The following DHX35 variants were observed in gnomAD, a reference collection of about 807,000 sequenced individuals.
The protein encoded by DHX35 is probable ATP-dependent RNA helicase DHX35.
DHX35 carries 84 observed loss-of-function variants against 99.6 expected under a neutral mutation model. The observed-to-expected ratio is 0.84, with a 90% CI of 0.71 to 1.01. The LOEUF is 1.01. Among genes scored for constraint, DHX35 ranks in the 50% least tolerant of loss-of-function variants. The pLI is 0.00. For missense variants in DHX35, 852 were observed against 888.5 expected, an observed-to-expected ratio of 0.96 and a Z score of 0.52; for synonymous variants, 331 against 316.2, an observed-to-expected ratio of 1.05 and a Z score of -0.50.
At chr20:38,986,084 A>C (rs752125720) in intron 4 of DHX35, among the ~76,000 whole-genome samples, 3 of 152,188 alleles carry the variant, frequency 2.0e-5, no homozygotes, top group Non-Finnish European at 4.4e-5. Context: ...TCATTTGTAA[A>C]TACAACAGTG....
At chr20:39,011,501 A>C (rs2086702753) in intron 13 of DHX35, among the ~76,000 whole-genome samples, 1 of 151,964 alleles carries the variant, frequency 6.6e-6, no homozygotes, top group Non-Finnish European at 1.5e-5. Flanking sequence ...ACGCCTGGCT[A>C]ATTTTTTATA....
chr20:39,038,440 T>G, intron 21 of DHX35, 59 bp from the exon 22 acceptor site: 3 of 1,567,920 alleles, frequency 1.9e-6, no homozygotes, highest in Non-Finnish European at 2.6e-6. Flanking sequence ...GGGATTATGT[T>G]GCAGTCTGGT....
chr20:38,975,210 A>G (rs2086058666), intron 3 of DHX35, among the ~76,000 whole-genome samples: 1 of 152,156 alleles, frequency 6.6e-6, no homozygotes. Flanking sequence ...CAGACCTAGT[A>G]AAGGTAGATG....
chr20:38,991,409 A>G (rs1477030525), intron 5 of DHX35, 45 bp from the exon 6 acceptor site: 1 of 1,541,684 alleles, frequency 6.5e-7, no homozygotes, highest in Non-Finnish European at 8.9e-7. Context: ...ATTAATATGT[A>G]GTGTAAGTGA....
intron 2 of DHX35, among the ~76,000 whole-genome samples, chr20:38,971,306 T>C (rs1016084745): frequency 2.0e-5 from 3 of 152,104 alleles, no homozygotes; most frequent in Admixed American, 6.5e-5. Context: ...TGAGCCAAGA[T>C]TGCACCACTG....
chr20:38,980,152 T>G (rs1448316877), intron 3 of DHX35, among the ~76,000 whole-genome samples: 3 of 152,174 alleles, frequency 2.0e-5, no homozygotes, highest in Non-Finnish European at 4.4e-5. Flanking sequence ...CACAGGGTAT[T>G]GAGGTGACTA....
intron 4 of DHX35, among the ~76,000 whole-genome samples, chr20:38,984,149 A>G (rs1038883430): frequency 6.6e-6 from 1 of 152,090 alleles, no homozygotes; most frequent in Admixed American, 6.5e-5. Flanking sequence ...TGATCTTGTG[A>G]TCTGCCTGCC....
chr20:38,978,388 A>C, intron 3 of DHX35: 3 of 701,924 alleles, frequency 4.3e-6, no homozygotes, highest in Non-Finnish European at 7.9e-6. Flanking sequence ...CTGGGGCCTC[A>C]CAGGGCTCAT....
chr20:38,989,349 G>A (rs1280449913), intron 5 of DHX35, among the ~76,000 whole-genome samples: 6 of 145,952 alleles, frequency 4.1e-5, no homozygotes, highest in African/African-American at 1.0e-4. Flanking sequence ...CTCCTGACTC[G>A]TGATCCACCT....
chr20:38,970,930 C>G (rs146568427), intron 2 of DHX35, among the ~76,000 whole-genome samples: 65 of 150,870 alleles, frequency 4.3e-4, no homozygotes, highest in African/African-American at 1.5e-3. Context: ...TGATATAAAG[C>G]AAAGCAGAGT....
intron 3 of DHX35, chr20:38,977,844 G>C (rs1452982405): frequency 3.6e-6 from 2 of 560,108 alleles, no homozygotes. Flanking sequence ...ATTCTGATTT[G>C]ACTTTTGTGC....
At chr20:39,008,083 AC>A (rs1246292852) in intron 12 of DHX35, among the ~76,000 whole-genome samples, 2 of 152,188 alleles carry the variant, frequency 1.3e-5, no homozygotes, top group Non-Finnish European at 2.9e-5. Context: ...GAAATCACCA[AC>A]CTGTGTTCTT....
intron 8 of DHX35, among the ~76,000 whole-genome samples, chr20:38,998,614 C>T (rs778961053): frequency 2.6e-5 from 4 of 152,202 alleles, no homozygotes; most frequent in Non-Finnish European, 4.4e-5. Context: ...TCAAACCTGA[C>T]TCAAATTCTT....
chr20:38,992,429 T>C lies in DHX35; in HGVS notation c.582+4T>C, dbSNP rs746582296. 3.7e-6 allele frequency: 6 copies of C among 1,613,956 alleles called. No homozygotes were observed. The highest frequency in any genetic ancestry group is 1.3e-5 in the African/African-American group (1 of 75,042). On this transcript the variant is annotated splice_donor_region_variant and intron_variant, in intron 7 of 21. Transcript: ENST00000252011. Reference sequence around the variant, plus strand: ...TGCCATTGGCTTGCTAAAAAAGGTATGACTTCACTGCCAGCTTTTCATTGT... The same window carrying C: ...TGCCATTGGCTTGCTAAAAAAGGTACGACTTCACTGCCAGCTTTTCATTGT...
chr20:38,986,028 C>T (rs764841899), intron 4 of DHX35, among the ~76,000 whole-genome samples: 2 of 152,152 alleles, frequency 1.3e-5, no homozygotes, highest in Non-Finnish European at 2.9e-5. Flanking sequence ...TCCTCCCTGA[C>T]CTGTGATTCA....
intron 13 of DHX35, among the ~76,000 whole-genome samples, 191 bp downstream of exon 13, chr20:39,010,595 A>G (rs977948750): frequency 3.9e-5 from 6 of 152,190 alleles, no homozygotes; most frequent in African/African-American, 7.2e-5. Flanking sequence ...CTCAATTCCT[A>G]TTCTTACATA....
At chr20:39,031,900 G>A (rs2087060532) in intron 20 of DHX35, among the ~76,000 whole-genome samples, 1 of 152,184 alleles carries the variant, frequency 6.6e-6, no homozygotes, top group Admixed American at 6.5e-5. Flanking sequence ...TGGGAAGTGG[G>A]GAATCATTGG....
chr20:38,965,502 G>A (rs1309524998), intron 1 of DHX35, among the ~76,000 whole-genome samples: 4 of 152,140 alleles, frequency 2.6e-5, no homozygotes, highest in South Asian at 2.1e-4. Flanking sequence ...GGCAGAGTGT[G>A]CATACACTGG....
In DHX35 at chr20:39,001,750, T is replaced by A; in HGVS notation, c.663T>A (p.Asn221Lys). Residue 221 changes from asparagine to lysine, a missense_variant, in exon 9 of 22, where the codon AAT (asparagine) becomes AAA (lysine). Physicochemically the swap from Asn to Lys is moderately conservative, Grantham distance 94. Transcript: ENST00000252011. Reference protein sequence around the residue: ...LDADKFRDFFNQNETSDPARD... With the variant: ...LDADKFRDFFKQNETSDPARD... ...TTTAGAAATTCCGGGATTTCTTTAA[T>A]CAAAATGAAACCAGTGATCCAGCAA... is the stretch of plus-strand genomic sequence containing the variant. 1 of 1,609,982 alleles carries A rather than the reference T, an allele frequency of 6.2e-7. No individual in the cohort carries two copies. Among genetic ancestry groups the A allele is most frequent in the African/African-American group, 1.3e-5 (1 of 74,912 alleles).
Sources: gnomAD v4.1 joint callset for allele counts (sites outside exome capture counted in the v4.1 genomes callset) on GRCh38, gnomAD v4.1.1 for gene constraint, MANE v1.5 for transcripts, NCBI Gene and HGNC (gene_info 2026-07-23, HGNC 2026-07-21) for gene names.